Variants in RSRC1 observed in about 807,000 individuals in gnomAD.
The protein encoded by RSRC1 is serine/Arginine-related protein 53.
Under a neutral mutation model 49.1 loss-of-function variants are expected in RSRC1, and 39 were observed. The observed-to-expected ratio is 0.79, with a 90% CI of 0.61 to 1.04. The LOEUF is 1.04. Ranked by LOEUF, RSRC1 falls within the 50% of genes least tolerant of loss-of-function variation. The probability of loss-of-function intolerance (pLI) is 0.00; values close to 1 mark genes in which losing one functional copy is unlikely to be tolerated. For missense variants in RSRC1, 388 were observed against 402.4 expected (o/e 0.96, Z 0.31); for synonymous variants, 143 against 130.8 (o/e 1.09, Z -0.63).
intron 3 of RSRC1, among the ~76,000 whole-genome samples, chr3:158,143,873 G>T (rs1174353352): frequency 6.6e-6 from 1 of 152,078 alleles, no homozygotes; most frequent in Non-Finnish European, 1.5e-5. Flanking sequence ...ATCATTAATG[G>T]TAAATGTCTG....
chr3:158,140,195 T>C (rs192989858), intron 3 of RSRC1, among the ~76,000 whole-genome samples: 3 of 152,346 alleles, frequency 2.0e-5, no homozygotes, highest in Non-Finnish European at 2.9e-5. Flanking sequence ...CACTACCTCT[T>C]GCCTTTGGAA....
Position 158,136,198 on chromosome 3 carries a change from T to C in RSRC1, c.320+12207T>C, listed in dbSNP as rs542922909. On this transcript the variant is annotated intron_variant, in intron 3 of 9. Transcript: ENST00000611884. Reference sequence around the variant, plus strand: ...AGTCTCAGTATCTTCATGTATAAAGTATTATGCTCATTCTAGTTCTAATTT... The same window carrying C: ...AGTCTCAGTATCTTCATGTATAAAGCATTATGCTCATTCTAGTTCTAATTT... Among the ~76,000 whole-genome samples, 11 of 152,320 alleles carry C rather than the reference T, an allele frequency of 7.2e-5. No homozygotes were observed. In the South Asian group the frequency reaches 1.0e-3, roughly 14 times the overall value.
At chr3:158,513,628 C>T (rs965302073) in intron 7 of RSRC1, among the ~76,000 whole-genome samples, 14 of 152,288 alleles carry the variant, frequency 9.2e-5, no homozygotes, top group Admixed American at 8.5e-4. Flanking sequence ...ATGCTGGCCT[C>T]ATAAAATGAG....
chr3:158,331,326 C>T (rs959874087), intron 5 of RSRC1, among the ~76,000 whole-genome samples: 6 of 152,138 alleles, frequency 3.9e-5, no homozygotes, highest in African/African-American at 1.4e-4. Flanking sequence ...GTCTTTTGTG[C>T]GTGTGAGTTT....
At chr3:158,380,165 A>C (rs1054126158) in intron 6 of RSRC1, among the ~76,000 whole-genome samples, 3 of 152,368 alleles carry the variant, frequency 2.0e-5, no homozygotes, top group South Asian at 2.1e-4. Flanking sequence ...CTAACAGAAG[A>C]AGCAATTATA....
At chr3:158,431,980 A>G (rs1358283275) in intron 6 of RSRC1, among the ~76,000 whole-genome samples, 1 of 152,022 alleles carries the variant, frequency 6.6e-6, no homozygotes, top group Non-Finnish European at 1.5e-5. Flanking sequence ...TCAGCATGTC[A>G]CAGATGTTCA....
At chr3:158,498,961 T>C (rs543551704) in intron 7 of RSRC1, among the ~76,000 whole-genome samples, 27 of 152,368 alleles carry the variant, frequency 1.8e-4, no homozygotes, top group African/African-American at 6.5e-4. Flanking sequence ...CACACTGTTT[T>C]GGTGACTATG....
intron 6 of RSRC1, among the ~76,000 whole-genome samples, chr3:158,401,314 CT>C (rs1326736963): frequency 6.6e-6 from 1 of 152,042 alleles, no homozygotes; most frequent in African/African-American, 2.4e-5. Context: ...GAACCCTTTG[CT>C]TATTTCTACC....
chr3:158,228,428 A>G (rs1016635999), intron 4 of RSRC1, among the ~76,000 whole-genome samples: 1 of 112,020 alleles, frequency 8.9e-6, no homozygotes, highest in Non-Finnish European at 2.0e-5. Context: ...TTGTTTATAT[A>G]AGGTAGTAAA....
chr3:158,374,823 G>T (rs1732268677), intron 6 of RSRC1, among the ~76,000 whole-genome samples: 1 of 151,998 alleles, frequency 6.6e-6, no homozygotes, highest in Non-Finnish European at 1.5e-5. Flanking sequence ...TACTTTGTAT[G>T]TAGTCATTCC....
At chr3:158,418,437 A>G (rs1734865411) in intron 6 of RSRC1, among the ~76,000 whole-genome samples, 2 of 151,990 alleles carry the variant, frequency 1.3e-5, no homozygotes, top group South Asian at 4.1e-4. Flanking sequence ...TGTTTTAGTC[A>G]TTGAGTCATT....
At chr3:158,309,561 T>G (rs1728017926) in intron 5 of RSRC1, among the ~76,000 whole-genome samples, 1 of 151,856 alleles carries the variant, frequency 6.6e-6, no homozygotes, top group Non-Finnish European at 1.5e-5. Flanking sequence ...TGTGAAATAT[T>G]TAATGTATTC....
chr3:158,456,705 G>A (rs1314645236), intron 6 of RSRC1, among the ~76,000 whole-genome samples: 1 of 152,086 alleles, frequency 6.6e-6, no homozygotes. Flanking sequence ...GTGAGAATGG[G>A]CACCCCAGCA....
At chr3:158,458,623 G>T (rs1737465051) in intron 6 of RSRC1, among the ~76,000 whole-genome samples, 1 of 152,172 alleles carries the variant, frequency 6.6e-6, no homozygotes, top group Admixed American at 6.6e-5. Flanking sequence ...TTGTGTACAA[G>T]ATTAGTAAAA....
At chr3:158,456,990 T>C (rs1385613647) in intron 6 of RSRC1, among the ~76,000 whole-genome samples, 2 of 152,194 alleles carry the variant, frequency 1.3e-5, no homozygotes, top group Non-Finnish European at 2.9e-5. Context: ...TAGCAGACAG[T>C]GACATCATAT....
chr3:158,202,879 A>G (rs1721137534), intron 3 of RSRC1, among the ~76,000 whole-genome samples, 193 bp from the exon 4 acceptor site: 1 of 152,056 alleles, frequency 6.6e-6, no homozygotes, highest in African/African-American at 2.4e-5. Flanking sequence ...AAGTTAGCAT[A>G]TATATTTCCC....
chr3:158,450,881 G>A (rs1736990367), intron 6 of RSRC1, among the ~76,000 whole-genome samples: 1 of 151,598 alleles, frequency 6.6e-6, no homozygotes, highest in East Asian at 1.9e-4. Flanking sequence ...TTTATTTACA[G>A]TAGCTTACTA....
At chr3:158,264,623 T>G (rs1725073340) in intron 4 of RSRC1, among the ~76,000 whole-genome samples, 1 of 152,220 alleles carries the variant, frequency 6.6e-6, no homozygotes, top group Non-Finnish European at 1.5e-5. Flanking sequence ...ACCATTATAC[T>G]GGATTTGTCT....
At chr3:158,331,021 G>A (rs1729513211) in intron 5 of RSRC1, among the ~76,000 whole-genome samples, 1 of 152,120 alleles carries the variant, frequency 6.6e-6, no homozygotes. Context: ...GCATGTGCAG[G>A]GGAATTCCCC....
Sources: gnomAD v4.1 joint callset for allele counts (sites outside exome capture counted in the v4.1 genomes callset) on GRCh38, gnomAD v4.1.1 for gene constraint, MANE v1.5 for transcripts, NCBI Gene and HGNC (gene_info 2026-07-23, HGNC 2026-07-21) for gene names.